The following PTK2 variants were observed in gnomAD, a reference collection of about 807,000 sequenced individuals.
The protein encoded by PTK2 is focal adhesion kinase 1.
A neutral mutation model predicts 150.1 loss-of-function variants in PTK2; 45 were observed. That is an observed-to-expected ratio of 0.30 (90% CI 0.24 to 0.38). PTK2 has a LOEUF of 0.38. Ranked by LOEUF, PTK2 falls within the 10% of genes least tolerant of loss-of-function variation. The pLI, the probability that PTK2 is intolerant of heterozygous loss-of-function variation, is 1.00. For missense variants in PTK2, 919 were observed against 1,307.3 expected, an observed-to-expected ratio of 0.70 and a Z score of 4.58; for synonymous variants, 432 against 449.2, an observed-to-expected ratio of 0.96 and a Z score of 0.48.
At position 140,972,980 on chromosome 8, in the gene PTK2, T is replaced by C. The variant is rs1255933825; in HGVS notation, c.-122+28145A>G. ...TCTTTATTCAAATCCCTGATAGAAA[T>C]GTTAGAACAGATGTCAAGTATGACA... On this transcript the variant is annotated intron_variant, in intron 1 of 31. Transcript: ENST00000522684. Among the ~76,000 whole-genome samples the C allele has an allele frequency of 2.0e-5, 3 of 152,234 alleles. 1 individual carries two copies. In the South Asian group the frequency reaches 6.2e-4, roughly 31 times the overall value.
At chr8:140,927,516 T>G (rs2100169912) in intron 1 of PTK2, 1 of 152,252 alleles carries the variant, frequency 6.6e-6, no homozygotes, top group African/African-American at 2.4e-5. Flanking sequence ...CCTGGGGGTC[T>G]GATGGTGTCA....
chr8:141,000,517 TCTCCC>T (rs1002607943), intron 1 of PTK2, among the ~76,000 whole-genome samples: 2 of 152,012 alleles, frequency 1.3e-5, no homozygotes, highest in African/African-American at 4.8e-5. Context: ...TCCTCCTGCC[TCTCCC>T]CTTTTGTTTT....
At chr8:140,663,659 G>T (rs1042694609) in intron 31 of PTK2, among the ~76,000 whole-genome samples, 1 of 152,178 alleles carries the variant, frequency 6.6e-6, no homozygotes, top group African/African-American at 2.4e-5. Context: ...ACAGTATTTT[G>T]GGTCAACTTT....
chr8:140,950,776 G>A (rs898002740), intron 1 of PTK2, among the ~76,000 whole-genome samples: 2 of 152,090 alleles, frequency 1.3e-5, no homozygotes, highest in African/African-American at 4.8e-5. Flanking sequence ...CAAAGGGGAT[G>A]GGCACCCCTC....
intron 1 of PTK2, among the ~76,000 whole-genome samples, chr8:140,947,882 T>A (rs543048788): frequency 8.1e-4 from 123 of 151,986 alleles, no homozygotes; most frequent in African/African-American, 2.9e-3. Flanking sequence ...GGACAAAAAA[T>A]AATAATAATA....
At chr8:140,931,912 G>A (rs374581872) in intron 1 of PTK2, among the ~76,000 whole-genome samples, 19 of 123,996 alleles carry the variant, frequency 1.5e-4, no homozygotes, top group East Asian at 2.5e-4. Flanking sequence ...CAGCCTGGGC[G>A]ACAGAGACCC....
intron 4 of PTK2, among the ~76,000 whole-genome samples, chr8:140,864,692 G>A (rs527874093): frequency 1.1e-4 from 17 of 152,172 alleles, no homozygotes; most frequent in Non-Finnish European, 2.2e-4. Flanking sequence ...GGGAAGAACT[G>A]CCCTGACTTC....
chr8:140,691,203 G>T (rs749187293), intron 26 of PTK2, among the ~76,000 whole-genome samples: 18 of 147,436 alleles, frequency 1.2e-4, no homozygotes, highest in Non-Finnish European at 2.4e-4. Flanking sequence ...TTGGGGGTGG[G>T]GGGTCTCACT....
Position 140,674,300 on chromosome 8 carries a change from T to A in PTK2, c.2707A>T (p.Lys903Ter). 6.2e-7 allele frequency: 1 copy of A among 1,602,758 alleles called. No individual in the cohort carries two copies. ...GCTGCACAGGCTCAGATGCCCACCTTGACACCCTCGTTGTAGCTGTCAGCA... is the reference window on the plus strand; with the variant it reads ...GCTGCACAGGCTCAGATGCCCACCTAGACACCCTCGTTGTAGCTGTCAGCA... Residue 903 changes from lysine to a stop codon, truncating the protein, a stop_gained and splice_region_variant, in exon 29 of 32, where the codon AAG (lysine) becomes TAG (stop). Coordinates refer to ENST00000522684, the Ensembl canonical transcript of PTK2. LOFTEE classifies it high-confidence loss of function.
rs964329606 is a variant in PTK2, at chr8:140,907,406, G to A, written c.-32-16637C>T. On this transcript the variant is annotated intron_variant, in intron 2 of 31. Transcript: ENST00000522684. ...ACAAGTTTCCGTTGAACATCATATC[G>A]GCGCTCAAAAAAGCTGAGTATTTGG... 7.2e-5 allele frequency among the ~76,000 whole-genome samples: 11 copies of A among 152,074 alleles called. No homozygotes were observed. In the East Asian group the frequency reaches 1.2e-3, roughly 16 times the overall value.
chr8:140,668,179 C>A (rs1057265111), intron 30 of PTK2, 90 bp downstream of exon 34: 1 of 1,465,968 alleles, frequency 6.8e-7, no homozygotes, highest in Non-Finnish European at 9.4e-7. Flanking sequence ...TTTGGTGGGG[C>A]GGGGGGACCT....
chr8:140,955,982 G>A (rs905543292), intron 1 of PTK2, among the ~76,000 whole-genome samples: 1 of 152,190 alleles, frequency 6.6e-6, no homozygotes, highest in Non-Finnish European at 1.5e-5. Context: ...TCCTTAGACA[G>A]AAGTCACCCT....
intron 2 of PTK2, among the ~76,000 whole-genome samples, chr8:140,901,808 C>A (rs1474112595): frequency 2.0e-5 from 3 of 152,086 alleles, no homozygotes; most frequent in Non-Finnish European, 2.9e-5. Context: ...CTCCCCTACC[C>A]CCAACAATCC....
intron 1 of PTK2, among the ~76,000 whole-genome samples, chr8:140,987,171 A>G (rs2100193591): frequency 6.6e-6 from 1 of 152,006 alleles, no homozygotes; most frequent in African/African-American, 2.4e-5. Flanking sequence ...AAAATGGAGG[A>G]AAAAAACACC....
intron 7 of PTK2, among the ~76,000 whole-genome samples, chr8:140,841,635 T>C (rs1350730026): frequency 2.0e-5 from 3 of 151,970 alleles, no homozygotes; most frequent in Admixed American, 1.3e-4. Context: ...ATGAGAGCCA[T>C]ATACACATAG....
upstream of PTK2, among the ~76,000 whole-genome samples, chr8:141,001,815 G>A (rs1249357239): frequency 1.3e-5 from 2 of 152,234 alleles, no homozygotes; most frequent in African/African-American, 2.4e-5. Flanking sequence ...AGCGGTTCCT[G>A]GGCCCTTTTT....
chr8:140,741,662 T>C lies in PTK2; in HGVS notation c.1735+1568A>G, dbSNP rs1286461318. Among the ~76,000 whole-genome samples the C allele has an allele frequency of 2.0e-5, 3 of 152,114 alleles. 1 individual carries two copies. Among genetic ancestry groups the C allele is most frequent in the African/African-American group, 7.2e-5 (3 of 41,430 alleles). On this transcript the variant is annotated intron_variant, in intron 20 of 31. Transcript: ENST00000522684. Reference sequence around the variant, plus strand: ...AAAGAAACTGGCCTTTGTAAAATGGTAGTCATAATTAGTAGTATTAATAGC... The same window carrying C: ...AAAGAAACTGGCCTTTGTAAAATGGCAGTCATAATTAGTAGTATTAATAGC...
At chr8:140,851,127 G>C (rs1470415834) in intron 5 of PTK2, among the ~76,000 whole-genome samples, 1 of 152,202 alleles carries the variant, frequency 6.6e-6, no homozygotes, top group Non-Finnish European at 1.5e-5. Flanking sequence ...TTTACTCTTA[G>C]AGCCTAGCTG....
At chr8:140,892,043 T>TA (rs1351651642) in intron 2 of PTK2, among the ~76,000 whole-genome samples, 1 of 151,880 alleles carries the variant, frequency 6.6e-6, no homozygotes, top group Non-Finnish European at 1.5e-5. Context: ...TTGTCTCTAC[T>TA]AAAAAATACA....
Sources: gnomAD v4.1 joint callset for allele counts (sites outside exome capture counted in the v4.1 genomes callset) on GRCh38, gnomAD v4.1.1 for gene constraint, MANE v1.5 for transcripts, NCBI Gene and HGNC (gene_info 2026-07-23, HGNC 2026-07-21) for gene names.